Variants in CDH12 observed in about 807,000 individuals in gnomAD.
CDH12 encodes the protein cadherin-12.
A neutral mutation model predicts 74.1 loss-of-function variants in CDH12; 41 were observed. That is an observed-to-expected ratio of 0.55 (90% CI 0.43 to 0.72). The LOEUF (loss-of-function observed/expected upper bound fraction) is 0.72. CDH12 is among the 30% of genes least tolerant of loss of function. The pLI is 0.00. For synonymous variants in CDH12, 399 were observed against 355.0 expected (o/e 1.12, Z -1.39); for missense variants, 945 against 977.2 (o/e 0.97, Z 0.44).
chr5:21,977,747 T>C (rs1757130992), intron 5 of CDH12, among the ~76,000 whole-genome samples: 1 of 152,176 alleles, frequency 6.6e-6, no homozygotes, highest in East Asian at 1.9e-4. Flanking sequence ...TTCCTTCAAA[T>C]TTAAAGATGG....
intron 6 of CDH12, among the ~76,000 whole-genome samples, chr5:21,915,714 G>A (rs7444741): frequency 2.0e-5 from 3 of 151,838 alleles, no homozygotes; most frequent in African/African-American, 7.2e-5. Context: ...AATGAGTAAT[G>A]GTGTAGGGTA....
chr5:21,882,575 C>T (rs1416638592), intron 6 of CDH12: 28 of 1,527,454 alleles, frequency 1.8e-5, no homozygotes, highest in Admixed American at 1.7e-5. Context: ...GCCCTGCAGC[C>T]GCCCCACAGA....
At chr5:22,358,945 G>A (rs534950077) in intron 3 of CDH12, among the ~76,000 whole-genome samples, 1 of 152,114 alleles carries the variant, frequency 6.6e-6, no homozygotes, top group Non-Finnish European at 1.5e-5. Flanking sequence ...TTACCTAGAA[G>A]ATATTTTAAA....
At chr5:22,463,885 C>A (rs1392205405) in intron 2 of CDH12, among the ~76,000 whole-genome samples, 1 of 151,962 alleles carries the variant, frequency 6.6e-6, no homozygotes, top group Non-Finnish European at 1.5e-5. Flanking sequence ...TACTAATATC[C>A]CCTACATATT....
intron 4 of CDH12, among the ~76,000 whole-genome samples, chr5:22,157,680 G>A (rs1446488493): frequency 1.3e-5 from 2 of 151,796 alleles, no homozygotes; most frequent in African/African-American, 4.8e-5. Flanking sequence ...TGCTAATAAT[G>A]CCTGGCATAT....
chr5:22,125,863 C>T (rs1451542330), intron 4 of CDH12, among the ~76,000 whole-genome samples: 3 of 152,106 alleles, frequency 2.0e-5, no homozygotes, highest in Non-Finnish European at 1.5e-5. Flanking sequence ...GTATTGACTC[C>T]CTCGCTTTTT....
intron 1 of CDH12, among the ~76,000 whole-genome samples, chr5:22,784,302 TAGTA>T: frequency 6.6e-6 from 1 of 152,188 alleles, no homozygotes; most frequent in South Asian, 2.1e-4. Context: ...TTCTAAAGTT[TAGTA>T]TTCTTGATAG....
intron 1 of CDH12, among the ~76,000 whole-genome samples, chr5:22,710,500 C>A (rs937717373): frequency 2.0e-5 from 3 of 152,096 alleles, no homozygotes; most frequent in Admixed American, 6.6e-5. Context: ...CTACCATGTG[C>A]AAATGAGTTG....
At chr5:22,596,114 AAT>A (rs1736593069) in intron 1 of CDH12, among the ~76,000 whole-genome samples, 1 of 149,430 alleles carries the variant, frequency 6.7e-6, no homozygotes, top group Admixed American at 6.6e-5. Flanking sequence ...TCTCAAAAAA[AAT>A]AAAAAAATAA....
At chr5:22,003,094 T>G (rs1160623174) in intron 5 of CDH12, among the ~76,000 whole-genome samples, 4 of 152,218 alleles carry the variant, frequency 2.6e-5, no homozygotes, top group Admixed American at 2.6e-4. Flanking sequence ...TATATGGGTG[T>G]TAAGGGATCT....
intron 1 of CDH12, among the ~76,000 whole-genome samples, chr5:22,747,972 C>T (rs1413135434): frequency 6.6e-6 from 1 of 152,056 alleles, no homozygotes; most frequent in East Asian, 1.9e-4. Flanking sequence ...AGAATTGGTT[C>T]CCATAAAGAG....
intron 3 of CDH12, among the ~76,000 whole-genome samples, chr5:22,256,100 T>C (rs1019266683): frequency 6.6e-6 from 1 of 152,114 alleles, no homozygotes; most frequent in African/African-American, 2.4e-5. Context: ...TGCTAAACAG[T>C]TTTCCAAAGT....
chr5:22,242,465 A>G (rs866109758), intron 3 of CDH12, among the ~76,000 whole-genome samples: 4 of 152,324 alleles, frequency 2.6e-5, no homozygotes, highest in Middle Eastern at 3.4e-3. Flanking sequence ...TTAACTTAAC[A>G]TAGCCTTGCC....
chr5:21,830,537 G>T (rs746707748), intron 8 of CDH12, among the ~76,000 whole-genome samples: 2 of 152,068 alleles, frequency 1.3e-5, no homozygotes, highest in Non-Finnish European at 2.9e-5. Context: ...GGGGCCATAG[G>T]TATAAAATGG....
chr5:22,094,036 C>A (rs1440957293), intron 4 of CDH12, among the ~76,000 whole-genome samples: 1 of 152,120 alleles, frequency 6.6e-6, no homozygotes, highest in African/African-American at 2.4e-5. Context: ...ACCACCTGGG[C>A]AGCATATAAA....
At chr5:22,578,048 G>A (rs1054596145) in intron 1 of CDH12, among the ~76,000 whole-genome samples, 2 of 152,056 alleles carry the variant, frequency 1.3e-5, no homozygotes, top group Admixed American at 1.3e-4. Flanking sequence ...TATGTTGTTT[G>A]GCCTGGTATT....
intron 3 of CDH12, among the ~76,000 whole-genome samples, chr5:22,372,001 G>C (rs72744837): frequency 0.072 from 11,007 of 152,240 alleles, 455 homozygotes; most frequent in South Asian, 0.16. Context: ...TTTGGATTCA[G>C]TTTGAAGAAT....
chr5:22,076,741 C>T (rs1340710496), intron 5 of CDH12, among the ~76,000 whole-genome samples: 2 of 152,092 alleles, frequency 1.3e-5, no homozygotes, highest in Non-Finnish European at 2.9e-5. Flanking sequence ...CAGTAACCTC[C>T]GGGGACTTCC....
chr5:21,951,928 G>C (rs545736847), intron 6 of CDH12, among the ~76,000 whole-genome samples: 1 of 152,102 alleles, frequency 6.6e-6, no homozygotes, highest in Non-Finnish European at 1.5e-5. Context: ...TTTGAATAGC[G>C]TCTGTTTATT....
Sources: gnomAD v4.1 joint callset for allele counts (sites outside exome capture counted in the v4.1 genomes callset) on GRCh38, gnomAD v4.1.1 for gene constraint, MANE v1.5 for transcripts, NCBI Gene and HGNC (gene_info 2026-07-23, HGNC 2026-07-21) for gene names.